The following BCAT1 variants were observed in gnomAD, a reference collection of about 807,000 sequenced individuals.
BCAT1 encodes the protein branched chain amino acid transaminase 1.
BCAT1 carries 48 observed loss-of-function variants against 52.4 expected under a neutral mutation model. That is an observed-to-expected ratio of 0.92 (90% CI 0.73 to 1.16). The LOEUF (loss-of-function observed/expected upper bound fraction) is 1.16, where lower values mean the gene tolerates loss of function less well. BCAT1 is among the 50% of genes most tolerant of loss of function. BCAT1 has a pLI of 0.00. For synonymous variants in BCAT1, 167 were observed against 161.3 expected, an observed-to-expected ratio of 1.04 and a Z score of -0.27; for missense variants, 451 against 457.1, an observed-to-expected ratio of 0.99 and a Z score of 0.12.
intron 6 of BCAT1, 39 bp downstream of exon 6, chr12:24,849,747 A>C (rs1421770792): frequency 1.1e-5 from 18 of 1,570,156 alleles, no homozygotes; most frequent in Non-Finnish European, 1.4e-5. Flanking sequence ...ATGGTCATGA[A>C]GGTGTCTTTC....
In BCAT1 at chr12:24,815,370, A is replaced by C. The variant is rs1939839875; in HGVS notation, c.*2638T>G. The C allele has an allele frequency of 6.6e-6, 1 of 152,646 alleles. No homozygotes were observed. The highest frequency in any genetic ancestry group is 2.4e-5 in the African/African-American group (1 of 41,454). 9.5% of individuals were successfully genotyped at this position (152,646 alleles called of 1,614,324 possible). A position where few individuals can be genotyped will look rare whatever the true frequency, so the allele number is the denominator to read the frequency against. ...TTAAATAATTGCAGCCAATTATGCA[A>C]ATATCAGCAACAATATTAATTTGTT... On this transcript the variant is annotated 3_prime_UTR_variant, in exon 11 of 11. Coordinates refer to ENST00000261192, the MANE Select transcript of BCAT1 (RefSeq NM_005504.7).
At position 24,842,213 on chromosome 12, in the gene BCAT1, G is replaced by C. The variant is rs1941196860; in HGVS notation, c.686C>G (p.Ser229Ter). 6.2e-7 allele frequency: 1 copy of C among 1,613,866 alleles called. No homozygotes were observed. The highest frequency in any genetic ancestry group is 8.5e-7 in the Non-Finnish European group (1 of 1,179,848). Residue 229 changes from serine (S) to a stop codon, truncating the protein, a stop_gained, in exon 7 of 11, where the codon TCA (serine) becomes TGA (stop). Coordinates refer to ENST00000261192, the MANE Select transcript of BCAT1 (RefSeq NM_005504.7). LOFTEE classifies it high-confidence loss of function. ...GDCKMGGNYG[S>*]SLFAQCEAVD... The stretch of plus-strand genomic sequence containing the variant: ...TGCTTCACATTGGGCAAAAAGAGAT[G>C]AGCCGTAATTCCTTTAAGAAAGAGA...
chr12:24,914,161 A>G (rs1374800744), intron 1 of BCAT1, among the ~76,000 whole-genome samples: 1 of 151,098 alleles, frequency 6.6e-6, no homozygotes, highest in African/African-American at 2.4e-5. Context: ...AGCTCACTGC[A>G]AGCTCTGCCT....
chr12:24,919,039 A>C (rs1943462696), intron 1 of BCAT1, among the ~76,000 whole-genome samples: 1 of 152,216 alleles, frequency 6.6e-6, no homozygotes. Context: ...GATTGAATAT[A>C]TTAATCTACC....
chr12:24,835,078 C>T (rs1190485458), intron 8 of BCAT1, among the ~76,000 whole-genome samples: 1 of 152,182 alleles, frequency 6.6e-6, no homozygotes, highest in Non-Finnish European at 1.5e-5. Flanking sequence ...AACTTGTCGT[C>T]GAACCTTCTG....
chr12:24,831,552 G>T (rs1447816743), intron 9 of BCAT1, among the ~76,000 whole-genome samples: 1 of 152,186 alleles, frequency 6.6e-6, no homozygotes, highest in Admixed American at 6.5e-5. Flanking sequence ...GGGAGACTGA[G>T]GTGAGAGGAT....
intron 5 of BCAT1, among the ~76,000 whole-genome samples, chr12:24,873,733 A>G (rs1403731189): frequency 6.6e-6 from 1 of 152,160 alleles, no homozygotes; most frequent in Non-Finnish European, 1.5e-5. Context: ...TGCTCCAATG[A>G]GCATTTTTAG....
At chr12:24,921,537 A>AT (rs1379898927) in intron 1 of BCAT1, among the ~76,000 whole-genome samples, 2 of 152,230 alleles carry the variant, frequency 1.3e-5, no homozygotes, top group African/African-American at 2.4e-5. Flanking sequence ...GATGACATAC[A>AT]TTTTTCCCAG....
intron 1 of BCAT1, among the ~76,000 whole-genome samples, chr12:24,935,320 G>GA (rs1221367425): frequency 6.6e-6 from 1 of 152,188 alleles, no homozygotes; most frequent in Non-Finnish European, 1.5e-5. Flanking sequence ...GAGAGTCAGG[G>GA]ATATGGTCAG....
chr12:24,818,262 AG>A (rs1367187189), intron 10 of BCAT1, among the ~76,000 whole-genome samples: 1 of 152,236 alleles, frequency 6.6e-6, no homozygotes, highest in Non-Finnish European at 1.5e-5. Context: ...AAGCATACAT[AG>A]GGAGTTTTTT....
At chr12:24,940,573 C>T (rs1354182415) in intron 1 of BCAT1, among the ~76,000 whole-genome samples, 1 of 151,988 alleles carries the variant, frequency 6.6e-6, no homozygotes, top group Non-Finnish European at 1.5e-5. Context: ...GCTTTATAAC[C>T]AAGTAATGGT....
intron 1 of BCAT1, among the ~76,000 whole-genome samples, chr12:24,917,530 T>C (rs1943436616): frequency 6.6e-6 from 1 of 152,206 alleles, no homozygotes; most frequent in South Asian, 2.1e-4. Context: ...TCCAAAGTTA[T>C]CAGAAACCTG....
intron 1 of BCAT1, among the ~76,000 whole-genome samples, chr12:24,922,882 A>AG (rs1318220999): frequency 6.6e-6 from 1 of 152,098 alleles, no homozygotes; most frequent in Non-Finnish European, 1.5e-5. Flanking sequence ...AAAAAAAAAA[A>AG]AAAAAATTTA....
chr12:24,902,229 G>T, intron 1 of BCAT1: 1 of 1,385,760 alleles, frequency 7.2e-7, no homozygotes, highest in Non-Finnish European at 9.3e-7. Context: ...AAATAGTCTA[G>T]ACTGGGGTGT....
intron 6 of BCAT1, among the ~76,000 whole-genome samples, chr12:24,847,369 C>T (rs1203832340): frequency 6.6e-6 from 1 of 152,128 alleles, no homozygotes; most frequent in African/African-American, 2.4e-5. Flanking sequence ...ATTGACATAC[C>T]ATTATCACCT....
chr12:24,937,635 C>T (rs1301988755), intron 1 of BCAT1, among the ~76,000 whole-genome samples: 8 of 152,110 alleles, frequency 5.3e-5, no homozygotes, highest in Non-Finnish European at 1.2e-4. Context: ...CCTCAGCCTC[C>T]CAAAGTGCTG....
chr12:24,851,529 T>A (rs147500096), intron 5 of BCAT1, among the ~76,000 whole-genome samples: 1 of 152,186 alleles, frequency 6.6e-6, no homozygotes, highest in Non-Finnish European at 1.5e-5. Flanking sequence ...AATGGGAAGG[T>A]AATTTCATTA....
At chr12:24,898,087 T>C (rs980603748) in intron 2 of BCAT1, among the ~76,000 whole-genome samples, 1 of 152,210 alleles carries the variant, frequency 6.6e-6, no homozygotes, top group Non-Finnish European at 1.5e-5. Context: ...TTGGGGCAGA[T>C]ATGAAATGTA....
chr12:24,832,990 A>T, intron 8 of BCAT1, 127 bp from the exon 9 acceptor site: 4 of 1,062,818 alleles, frequency 3.8e-6, no homozygotes, highest in Non-Finnish European at 5.3e-6. Flanking sequence ...CCTTTAAGGG[A>T]AAGCTGGAAG....
Sources: allele counts gnomAD v4.1 joint callset (sites outside exome capture counted in the v4.1 genomes callset), GRCh38; gene constraint gnomAD v4.1.1; transcripts MANE v1.5; gene names NCBI Gene and HGNC (gene_info 2026-07-23, HGNC 2026-07-21).